The following SLC39A11 variants were observed in gnomAD, a reference collection of about 807,000 sequenced individuals.
The protein encoded by SLC39A11 is zinc transporter ZIP11.
SLC39A11 carries 33 observed loss-of-function variants against 36.1 expected under a neutral mutation model. The ratio of observed to expected loss-of-function variants is 0.91; its 90% CI spans 0.69 to 1.22. SLC39A11 has a LOEUF of 1.22. SLC39A11 is among the 50% of genes most tolerant of loss of function. The probability of loss-of-function intolerance (pLI) is 0.00; values close to 1 mark genes in which losing one functional copy is unlikely to be tolerated. For synonymous variants in SLC39A11, 166 were observed against 170.3 expected (o/e 0.97, Z 0.20); for missense variants, 432 against 430.3 (o/e 1.00, Z -0.03).
At chr17:73,008,725 C>T (rs949790921) in intron 4 of SLC39A11, among the ~76,000 whole-genome samples, 2 of 152,116 alleles carry the variant, frequency 1.3e-5, no homozygotes, top group Non-Finnish European at 2.9e-5. Flanking sequence ...ATGGCACGCC[C>T]AAACACAGTG....
intron 4 of SLC39A11, among the ~76,000 whole-genome samples, chr17:72,963,097 G>A (rs2086718377): frequency 6.6e-6 from 1 of 151,932 alleles, no homozygotes; most frequent in South Asian, 2.1e-4. Flanking sequence ...TAACTTAATG[G>A]GACTTAATTC....
At chr17:72,752,034 A>C (rs9906385) in intron 6 of SLC39A11, among the ~76,000 whole-genome samples, 53,989 of 151,930 alleles carry the variant, frequency 0.36, 11,663 homozygotes, top group Non-Finnish European at 0.49. Flanking sequence ...GGACTCACAC[A>C]GTATCTGTGA....
At chr17:73,020,827 C>G (rs2058324978) in intron 4 of SLC39A11, among the ~76,000 whole-genome samples, 1 of 151,636 alleles carries the variant, frequency 6.6e-6, no homozygotes, top group Non-Finnish European at 1.5e-5. Context: ...GGGCTACAGG[C>G]GCGTGCCACC....
intron 6 of SLC39A11, among the ~76,000 whole-genome samples, chr17:72,831,129 ATT>A (rs146986695): frequency 7.4e-4 from 111 of 149,130 alleles, no homozygotes; most frequent in African/African-American, 2.6e-3. Context: ...GGATTCAGAG[ATT>A]TTTTTTTTTC....
chr17:72,963,317 C>A (rs2086755029), intron 4 of SLC39A11, among the ~76,000 whole-genome samples: 2 of 151,764 alleles, frequency 1.3e-5, no homozygotes, highest in Non-Finnish European at 2.9e-5. Flanking sequence ...ACTACAGGCG[C>A]CCGCCACCAC....
chr17:72,879,657 T>C (rs1012035555), intron 5 of SLC39A11, among the ~76,000 whole-genome samples: 3 of 152,216 alleles, frequency 2.0e-5, no homozygotes, highest in African/African-American at 7.2e-5. Context: ...GGCAGGATTA[T>C]AGTTAGGCAT....
At chr17:72,998,096 A>T (rs914262452) in intron 4 of SLC39A11, among the ~76,000 whole-genome samples, 8 of 152,174 alleles carry the variant, frequency 5.3e-5, no homozygotes, top group African/African-American at 1.9e-4. Flanking sequence ...AAGATGAAAA[A>T]GGCGTTAAAT....
intron 6 of SLC39A11, among the ~76,000 whole-genome samples, chr17:72,799,615 T>C (rs762638075): frequency 1.9e-4 from 29 of 152,032 alleles, no homozygotes; most frequent in African/African-American, 3.6e-4. Context: ...GTCTGTCTTA[T>C]GCAGTTGAGA....
intron 4 of SLC39A11, among the ~76,000 whole-genome samples, chr17:72,995,097 T>C (rs1201983361): frequency 2.0e-5 from 3 of 152,164 alleles, no homozygotes; most frequent in Non-Finnish European, 4.4e-5. Context: ...CTTGACCTCA[T>C]CTCTCAACAC....
intron 3 of SLC39A11, among the ~76,000 whole-genome samples, chr17:73,035,561 G>A (rs1379710659): frequency 1.3e-5 from 2 of 152,150 alleles, no homozygotes; most frequent in Non-Finnish European, 2.9e-5. Context: ...TTAAGGACCT[G>A]GAGATGGGGA....
At position 72,758,680 on chromosome 17, in the gene SLC39A11, C is replaced by G. The variant is rs763511417; in HGVS notation, c.602-21961G>C. Among the ~76,000 whole-genome samples, 4 of 152,248 alleles carry G rather than the reference C, an allele frequency of 2.6e-5. No individual in the cohort carries two copies. The East Asian group carries it at 7.7e-4, about 29-fold the overall frequency. On this transcript the variant is annotated intron_variant, in intron 6 of 9. Transcript: ENST00000255559. ...ACTACTGGGAAGGTCAGGAGATAAA[C>G]AATGGCAAAGGCTTCTGCACTTGGT...
chr17:73,020,842 C>G (rs2058326300), intron 4 of SLC39A11, among the ~76,000 whole-genome samples: 1 of 151,822 alleles, frequency 6.6e-6, no homozygotes, highest in Admixed American at 6.6e-5. Context: ...GCCACCACAC[C>G]CGGCTAATTT....
chr17:72,691,994 C>T (rs963166947), intron 7 of SLC39A11, among the ~76,000 whole-genome samples: 4 of 151,020 alleles, frequency 2.6e-5, no homozygotes, highest in Non-Finnish European at 4.4e-5. Context: ...ATCCCTCCCC[C>T]ACCTACCTCA....
At chr17:72,690,302 C>G (rs4076588) in intron 7 of SLC39A11, among the ~76,000 whole-genome samples, 1 of 152,128 alleles carries the variant, frequency 6.6e-6, no homozygotes, top group African/African-American at 2.4e-5. Context: ...CCCAGGGGGA[C>G]GTCCTGGTGA....
At chr17:72,930,791 T>C (rs921435022) in intron 5 of SLC39A11, among the ~76,000 whole-genome samples, 1 of 152,312 alleles carries the variant, frequency 6.6e-6, no homozygotes, top group African/African-American at 2.4e-5. Context: ...GCTGAGTTTA[T>C]TTAGCACTGT....
At chr17:72,734,378 G>A (rs2074340975) in intron 7 of SLC39A11, among the ~76,000 whole-genome samples, 1 of 152,182 alleles carries the variant, frequency 6.6e-6, no homozygotes, top group Non-Finnish European at 1.5e-5. Context: ...GTACTCTGTG[G>A]ACATAGTGGC....
At chr17:72,713,345 C>G (rs1283469396) in intron 7 of SLC39A11, among the ~76,000 whole-genome samples, 2 of 152,176 alleles carry the variant, frequency 1.3e-5, no homozygotes, top group Non-Finnish European at 2.9e-5. Flanking sequence ...CCTTGGTCAC[C>G]TTGATAGTGG....
intron 6 of SLC39A11, among the ~76,000 whole-genome samples, chr17:72,755,486 G>A (rs145747921): frequency 3.9e-5 from 6 of 152,342 alleles, no homozygotes; most frequent in African/African-American, 7.2e-5. Context: ...CATAGACACC[G>A]GCAACAGGTC....
intron 6 of SLC39A11, among the ~76,000 whole-genome samples, chr17:72,759,439 G>C (rs2075489051): frequency 6.6e-6 from 1 of 152,276 alleles, no homozygotes; most frequent in East Asian, 1.9e-4. Flanking sequence ...AGAATACAAA[G>C]GATTCTTAAA....
Sources: gnomAD v4.1 joint callset for allele counts (sites outside exome capture counted in the v4.1 genomes callset) on GRCh38, gnomAD v4.1.1 for gene constraint, MANE v1.5 for transcripts, NCBI Gene and HGNC (gene_info 2026-07-23, HGNC 2026-07-21) for gene names.